The following LONRF3 variants were observed in gnomAD, a reference collection of about 807,000 sequenced individuals.
The protein encoded by LONRF3 is LON peptidase N-terminal domain and RING finger protein 3.
LONRF3 carries 19 observed loss-of-function variants against 51.7 expected under a neutral mutation model. The observed-to-expected ratio is 0.37, with a 90% CI of 0.26 to 0.54. The LOEUF (loss-of-function observed/expected upper bound fraction) is 0.54. LONRF3 is among the 20% of genes least tolerant of loss of function. LONRF3 has a pLI of 0.86. For missense variants in LONRF3, 521 were observed against 623.9 expected, an observed-to-expected ratio of 0.84 and a Z score of 1.76; for synonymous variants, 265 against 257.8, an observed-to-expected ratio of 1.03 and a Z score of -0.27.
At position 118,989,394 on chromosome X, in the gene LONRF3, C is replaced by T. The variant is rs1460664616; in HGVS notation, c.1060-14C>T. On this transcript the variant is annotated splice_polypyrimidine_tract_variant and intron_variant, in intron 3 of 10. Transcript: ENST00000371628. ...CCTAAGAAGATTCTGATATGTGGCC[C>T]TTTCTTCATCCAGGACAATCTGGAG... 1 of 1,206,495 alleles carries T rather than the reference C, an allele frequency of 8.3e-7. No homozygotes were observed. Among genetic ancestry groups the T allele is most frequent in the African/African-American group, 1.8e-5 (1 of 56,790 alleles).
At chrX:119,009,595 A>T (rs994167133) in intron 7 of LONRF3, among the ~76,000 whole-genome samples, 40 of 111,854 alleles carry the variant, frequency 3.6e-4, no homozygotes, top group African/African-American at 1.2e-3. Flanking sequence ...GTTTTCAGAT[A>T]CATAAGGAGT....
intron 2 of LONRF3, among the ~76,000 whole-genome samples, chrX:118,981,927 A>T (rs907918649): frequency 4.5e-5 from 5 of 111,828 alleles, no homozygotes; most frequent in Non-Finnish European, 7.5e-5. Flanking sequence ...GGAGCAGGCC[A>T]CTGGGTGGAG....
rs761048972 is a variant in LONRF3 at position 118,974,834 on chromosome X, C to T, written c.54C>T (p.Ser18=). ...TGAGCTTGCCCGCTGAGGTCAGCAG[C>T]GACAACTTGGAGTCGGCGGAGCGAG... ...QMLSLPAEVS[S]DNLESAERGA... The change falls in exon 1 of 11, where the codon AGC becomes AGT. Residue 18 remains serine, a synonymous_variant. Transcript: ENST00000371628. 1.4e-5 allele frequency: 17 copies of T among 1,207,538 alleles called. No homozygotes were observed. In the Admixed American group the frequency reaches 3.7e-4, roughly 26 times the overall value.
At chrX:119,016,218 G>A (rs1410117763) in intron 10 of LONRF3, among the ~76,000 whole-genome samples, 8 of 111,908 alleles carry the variant, frequency 7.1e-5, no homozygotes, top group African/African-American at 2.3e-4. Context: ...TTTAGGCTTA[G>A]AAGGAAATAA....
chrX:118,999,045 T>C (rs1266581641), intron 5 of LONRF3, among the ~76,000 whole-genome samples: 3 of 112,804 alleles, frequency 2.7e-5, no homozygotes, highest in Non-Finnish European at 1.9e-5. Flanking sequence ...TGAGCACATA[T>C]GCTTCTCATA....
chrX:119,014,849 A>G (rs1317681304), intron 10 of LONRF3, among the ~76,000 whole-genome samples: 3 of 111,782 alleles, frequency 2.7e-5, no homozygotes, highest in Non-Finnish European at 5.6e-5. Flanking sequence ...CAAGACCACA[A>G]AAACTTTTCG....
chrX:118,975,717 A>C, intron 1 of LONRF3, 120 bp downstream of exon 1: 4 of 116,809 alleles, frequency 3.4e-5, no homozygotes, highest in East Asian at 2.8e-4. Context: ...CGGGGGACCC[A>C]TGGACTGTGG....
At chrX:118,986,851 C>T in intron 3 of LONRF3, 2 of 994,712 alleles carry the variant, frequency 2.0e-6, no homozygotes, top group Admixed American at 5.6e-5. Context: ...GCTCCCTCCC[C>T]CCTTCACCCT....
In LONRF3 at chrX:119,009,113, T is replaced by TC. The variant is rs756738560; in HGVS notation, c.1531-7dup. On this transcript the variant is annotated splice_polypyrimidine_tract_variant and intron_variant, in intron 6 of 10. Transcript: ENST00000371628. ...CCTAATTGCATATTGTCTAATTGCC[T>TC]CCCCCCATGTAGTGCTTGGCATCAA... The TC allele has an allele frequency of 4.4e-5, 52 of 1,195,156 alleles. No homozygotes were observed. The African/African-American group carries it at 7.6e-4, about 18-fold the overall frequency.
chrX:119,013,013 C>T (rs1470019647), intron 8 of LONRF3, 26 bp from the exon 9 acceptor site: 1 of 1,208,120 alleles, frequency 8.3e-7, no homozygotes, highest in Non-Finnish European at 1.1e-6. Context: ...AGGATCTAGT[C>T]TCTCGACTCC....
chrX:118,994,336 A>G (rs769013837), intron 5 of LONRF3, among the ~76,000 whole-genome samples: 1 of 111,643 alleles, frequency 9.0e-6, no homozygotes. Context: ...TAAAGGGGTG[A>G]AAAAAAGGCG....
At chrX:118,994,380 G>A (rs1923684308) in intron 5 of LONRF3, among the ~76,000 whole-genome samples, 1 of 106,024 alleles carries the variant, frequency 9.4e-6, no homozygotes, top group Admixed American at 1.0e-4. Context: ...ATGAGCAGGG[G>A]TAGCTATTTT....
At position 119,011,875 on chromosome X, in the gene LONRF3, C is replaced by T. The variant is rs1362244327; in HGVS notation, c.1713C>T (p.Pro571=). The T allele has an allele frequency of 3.6e-5, 44 of 1,209,949 alleles. No homozygotes were observed. Among genetic ancestry groups the T allele is most frequent in the Non-Finnish European group, 4.6e-5 (41 of 895,048 alleles). The change falls in exon 8 of 11, where the codon CCC becomes CCT. Residue 571 remains proline (P), a synonymous_variant. Coordinates refer to ENST00000371628, the MANE Select transcript of LONRF3 (RefSeq NM_001031855.3). ...TGGCCTATCCCACCGTTCCTTGTCC[C>T]CTGCACATCTTTGAGCCTTGTTACC... The part of the protein sequence containing the change: ...CTMAYPTVPC[P]LHIFEPCYRL...
At chrX:119,012,845 C>G in intron 8 of LONRF3, 194 bp from the exon 9 acceptor site, 1 of 1,122,141 alleles carries the variant, frequency 8.9e-7, no homozygotes, top group Non-Finnish European at 1.2e-6. Flanking sequence ...GTAGCAGTTA[C>G]ACGAATACAT....
intron 2 of LONRF3, 130 bp from the exon 3 acceptor site, chrX:118,982,691 T>C: frequency 1.1e-6 from 1 of 887,394 alleles, no homozygotes; most frequent in South Asian, 2.2e-5. Context: ...GCCCGCATTT[T>C]AGGGCTGTAG....
At chrX:119,013,650 A>G (rs752943876) in intron 9 of LONRF3, among the ~76,000 whole-genome samples, 1 of 112,213 alleles carries the variant, frequency 8.9e-6, no homozygotes, top group South Asian at 3.7e-4. Context: ...ATAATCCATC[A>G]TCCCCTAAGG....
chrX:119,009,346 C>T (rs901206344), intron 7 of LONRF3, 99 bp downstream of exon 7: 10 of 887,248 alleles, frequency 1.1e-5, no homozygotes, highest in Non-Finnish European at 1.4e-5. Context: ...TGATGTCATG[C>T]TAGCTGCTTG....
chrX:118,982,704 AAG>A, intron 2 of LONRF3, 115 bp from the exon 3 acceptor site: 2 of 968,969 alleles, frequency 2.1e-6, no homozygotes, highest in Non-Finnish European at 2.9e-6. Context: ...GGCTGTAGAT[AAG>A]AGAGTCCTTT....
At chrX:119,009,862 C>T (rs190921364) in intron 7 of LONRF3, among the ~76,000 whole-genome samples, 124 of 111,131 alleles carry the variant, frequency 1.1e-3, no homozygotes, top group African/African-American at 3.6e-3. Flanking sequence ...CTCCGCCTTC[C>T]GGGTTCAAGC....
Sources: allele counts gnomAD v4.1 joint callset (sites outside exome capture counted in the v4.1 genomes callset), GRCh38; gene constraint gnomAD v4.1.1; transcripts MANE v1.5; gene names NCBI Gene and HGNC (gene_info 2026-07-23, HGNC 2026-07-21).